Variants in CADPS observed in about 807,000 individuals in gnomAD.
CADPS encodes calcium-dependent secretion activator 1.
CADPS carries 57 observed loss-of-function variants against 167.3 expected under a neutral mutation model. The ratio of observed to expected loss-of-function variants is 0.34; its 90% CI spans 0.28 to 0.42. The LOEUF (loss-of-function observed/expected upper bound fraction) is 0.42, where lower values mean the gene tolerates loss of function less well. CADPS is among the 20% of genes least tolerant of loss of function. The pLI is 1.00. For synonymous variants in CADPS, 676 were observed against 635.3 expected, an observed-to-expected ratio of 1.06 and a Z score of -0.96; for missense variants, 1,414 against 1,738.1, an observed-to-expected ratio of 0.81 and a Z score of 3.32.
At chr3:62,827,750 T>A (rs1392601835) in intron 1 of CADPS, among the ~76,000 whole-genome samples, 1 of 152,098 alleles carries the variant, frequency 6.6e-6, no homozygotes, top group African/African-American at 2.4e-5. Context: ...ATGGTCCAGA[T>A]TAAGCCATAT....
rs558775731 is a variant in CADPS, at chr3:62,657,102, G to T, written c.969+5212C>A. On this transcript the variant is annotated intron_variant, in intron 4 of 29. Transcript: ENST00000383710. Reference sequence around the variant, plus strand: ...TGTCCAACATTAGTTTGAAAGTTGGGGGTTAGTATCTTTCTCTGGTAGGAG... The same window carrying T: ...TGTCCAACATTAGTTTGAAAGTTGGTGGTTAGTATCTTTCTCTGGTAGGAG... Among the ~76,000 whole-genome samples the T allele has an allele frequency of 4.6e-5, 7 of 152,288 alleles. No individual in the cohort carries two copies. The South Asian group carries it at 1.2e-3, about 27-fold the overall frequency.
intron 13 of CADPS, among the ~76,000 whole-genome samples, chr3:62,528,161 T>TTGC (rs199956004): frequency 0.015 from 2,228 of 152,296 alleles, 33 homozygotes; most frequent in Middle Eastern, 0.082. Flanking sequence ...ACGGCCAGGT[T>TTGC]TGCCATCTCA....
intron 3 of CADPS, among the ~76,000 whole-genome samples, chr3:62,715,934 A>C (rs997594090): frequency 1.3e-5 from 2 of 151,460 alleles, no homozygotes; most frequent in Non-Finnish European, 2.9e-5. Context: ...TTTAGAAGAG[A>C]CGGGGTTTCA....
chr3:62,490,726 T>G (rs1224231415), intron 21 of CADPS, among the ~76,000 whole-genome samples: 1 of 152,148 alleles, frequency 6.6e-6, no homozygotes. Context: ...CTAAACATAC[T>G]TGGCCATAAA....
intron 3 of CADPS, among the ~76,000 whole-genome samples, chr3:62,751,427 CAAG>C (rs201610500): frequency 0.019 from 2,891 of 149,436 alleles, 49 homozygotes; most frequent in South Asian, 0.061. Flanking sequence ...ATCCCTGTCC[CAAG>C]AAGAAGTACT....
At chr3:62,691,200 AT>A (rs1161557367) in intron 3 of CADPS, among the ~76,000 whole-genome samples, 1 of 151,960 alleles carries the variant, frequency 6.6e-6, no homozygotes, top group Admixed American at 6.6e-5. Context: ...AGAACAGAGG[AT>A]TTTTTAGGAC....
chr3:62,562,565 C>T (rs898126512), intron 9 of CADPS, among the ~76,000 whole-genome samples: 3 of 152,128 alleles, frequency 2.0e-5, no homozygotes, highest in African/African-American at 7.2e-5. Flanking sequence ...AGACTCCTAG[C>T]CTCAGGTGAT....
intron 17 of CADPS, among the ~76,000 whole-genome samples, chr3:62,502,479 A>T (rs2151346424): frequency 6.6e-6 from 1 of 152,362 alleles, no homozygotes; most frequent in Non-Finnish European, 1.5e-5. Context: ...GTCATGCAAA[A>T]TGTTACGCAA....
chr3:62,578,174 T>C (rs2152504743), intron 8 of CADPS, among the ~76,000 whole-genome samples: 1 of 138,466 alleles, frequency 7.2e-6, no homozygotes, highest in African/African-American at 2.6e-5. Context: ...AAAAAAGATT[T>C]ACCATGCTAA....
intron 29 of CADPS, among the ~76,000 whole-genome samples, chr3:62,402,738 A>G (rs1281734921): frequency 6.6e-6 from 1 of 152,250 alleles, no homozygotes; most frequent in Non-Finnish European, 1.5e-5. Context: ...TTAAACTATA[A>G]ATGAAATTGG....
chr3:62,778,953 C>A (rs896981567), intron 1 of CADPS, among the ~76,000 whole-genome samples: 1 of 151,516 alleles, frequency 6.6e-6, no homozygotes, highest in African/African-American at 2.4e-5. Flanking sequence ...CCCAGTGGCA[C>A]GATCTCAGCT....
intron 1 of CADPS, among the ~76,000 whole-genome samples, chr3:62,860,983 G>C (rs2080689131): frequency 6.6e-6 from 1 of 152,180 alleles, no homozygotes; most frequent in Non-Finnish European, 1.5e-5. Flanking sequence ...TTCTATTTTA[G>C]TGTGCTTGGG....
At position 62,692,957 on chromosome 3, in the gene CADPS, G is replaced by T. The variant is rs536388244; in HGVS notation, c.889-30563C>A. On this transcript the variant is annotated intron_variant, in intron 3 of 29. Transcript: ENST00000383710. ...TAGTAGATGATGTGACCTCTACAAAGCTCGCTAATATCACCTCTCATCTTG... is the reference window on the plus strand; with the variant it reads ...TAGTAGATGATGTGACCTCTACAAATCTCGCTAATATCACCTCTCATCTTG... Among the ~76,000 whole-genome samples the T allele has an allele frequency of 4.6e-5, 7 of 152,008 alleles. No individual in the cohort carries two copies. In the South Asian group the frequency reaches 1.0e-3, roughly 23 times the overall value.
chr3:62,709,915 G>T (rs2083064796), intron 3 of CADPS, among the ~76,000 whole-genome samples: 1 of 151,404 alleles, frequency 6.6e-6, no homozygotes, highest in South Asian at 2.1e-4. Flanking sequence ...GATTACAGGT[G>T]CCTGCCACCA....
chr3:62,713,649 G>A (rs1425767301), intron 3 of CADPS, among the ~76,000 whole-genome samples: 2 of 152,226 alleles, frequency 1.3e-5, no homozygotes, highest in Non-Finnish European at 2.9e-5. Flanking sequence ...TAAAGTTGCT[G>A]TTTAACACCA....
chr3:62,617,999 G>A (rs1171017171), intron 6 of CADPS, among the ~76,000 whole-genome samples: 1 of 152,128 alleles, frequency 6.6e-6, no homozygotes, highest in Non-Finnish European at 1.5e-5. Flanking sequence ...CCCCACCCCT[G>A]AATTGACAGG....
At chr3:62,736,981 CA>C (rs11364119) in intron 3 of CADPS, among the ~76,000 whole-genome samples, 48,716 of 151,318 alleles carry the variant, frequency 0.32, 8,552 homozygotes, top group African/African-American at 0.46. Flanking sequence ...TATTAAAATA[CA>C]AAAAAAATTA....
At chr3:62,586,713 C>T (rs567247647) in intron 7 of CADPS, among the ~76,000 whole-genome samples, 1 of 152,180 alleles carries the variant, frequency 6.6e-6, no homozygotes, top group African/African-American at 2.4e-5. Context: ...CAGAGGCTGT[C>T]AATGTTTTTT....
chr3:62,463,145 T>C (rs1427959961), intron 26 of CADPS, among the ~76,000 whole-genome samples: 1 of 152,190 alleles, frequency 6.6e-6, no homozygotes, highest in Non-Finnish European at 1.5e-5. Context: ...CACTTCTGCA[T>C]AGGATGCTCT....
Sources: allele counts gnomAD v4.1 joint callset (sites outside exome capture counted in the v4.1 genomes callset), GRCh38; gene constraint gnomAD v4.1.1; transcripts MANE v1.5; gene names NCBI Gene and HGNC (gene_info 2026-07-23, HGNC 2026-07-21).